MYO1B: variants seen among roughly 807,000 people sequenced by gnomAD.
MYO1B encodes the protein myosin IB.
MYO1B carries 72 observed loss-of-function variants against 159.7 expected under a neutral mutation model. That is an observed-to-expected ratio of 0.45 (90% CI 0.37 to 0.55). The LOEUF (loss-of-function observed/expected upper bound fraction) is 0.55. Among genes scored for constraint, MYO1B ranks in the 20% least tolerant of loss-of-function variants. The pLI, the probability that MYO1B is intolerant of heterozygous loss-of-function variation, is 0.00. For synonymous variants in MYO1B, 468 were observed against 473.8 expected (o/e 0.99, Z 0.16); for missense variants, 1,062 against 1,364.8 (o/e 0.78, Z 3.50).
At chr2:191,264,124 A>T (rs781653005) in intron 1 of MYO1B, among the ~76,000 whole-genome samples, 1 of 152,318 alleles carries the variant, frequency 6.6e-6, no homozygotes, top group Admixed American at 6.5e-5. Flanking sequence ...GTTGATTTTA[A>T]TCAGTGTAGG....
chr2:191,266,732 C>T (rs1449805591), intron 1 of MYO1B, among the ~76,000 whole-genome samples: 2 of 152,168 alleles, frequency 1.3e-5, no homozygotes, highest in Admixed American at 1.3e-4. Flanking sequence ...TAATTATAAA[C>T]AAAGGCACTT....
chr2:191,342,417 C>A (rs1442488221), intron 5 of MYO1B, among the ~76,000 whole-genome samples: 1 of 152,134 alleles, frequency 6.6e-6, no homozygotes, highest in Non-Finnish European at 1.5e-5. Context: ...AAGCATTCAG[C>A]CCATAACATC....
intron 29 of MYO1B, among the ~76,000 whole-genome samples, chr2:191,415,594 G>T (rs1407663243): frequency 1.4e-4 from 20 of 145,648 alleles, no homozygotes; most frequent in Admixed American, 3.3e-4. Context: ...TTTTTTTTTT[G>T]TTTTGTTTTG....
Position 191,383,360 on chromosome 2 carries a change from GT to G in MYO1B, c.1353+22del. ...TAGAAAATGTGAGTACTTAGGTACAGTTTTCTAAAGAATGTTTTAGTCCTAT... is the reference window on the plus strand; with the variant it reads ...TAGAAAATGTGAGTACTTAGGTACAGTTTCTAAAGAATGTTTTAGTCCTAT... On this transcript the variant is annotated intron_variant, in intron 15 of 30. Coordinates refer to ENST00000392318, the MANE Select transcript of MYO1B (RefSeq NM_001130158.3). 6.6e-7 allele frequency: 1 copy of G among 1,513,380 alleles called. No homozygotes were observed. The highest frequency in any genetic ancestry group is 8.9e-7 in the Non-Finnish European group (1 of 1,122,952). 93.7% of individuals were successfully genotyped at this position (1,513,380 alleles called of 1,614,324 possible). A position where few individuals can be genotyped will look rare whatever the true frequency, so the allele number is the denominator to read the frequency against.
At chr2:191,262,260 C>A (rs1188228004) in intron 1 of MYO1B, among the ~76,000 whole-genome samples, 3 of 152,200 alleles carry the variant, frequency 2.0e-5, no homozygotes, top group Non-Finnish European at 4.4e-5. Flanking sequence ...CACAGGAGCT[C>A]AACTTTATTT....
chr2:191,319,446 C>T (rs1405590630), intron 3 of MYO1B, among the ~76,000 whole-genome samples: 1 of 152,112 alleles, frequency 6.6e-6, no homozygotes, highest in Non-Finnish European at 1.5e-5. Context: ...CCTCTGATGT[C>T]CTTTTGAGTC....
chr2:191,338,921 A>G (rs1274867390), intron 4 of MYO1B, among the ~76,000 whole-genome samples: 2 of 152,196 alleles, frequency 1.3e-5, no homozygotes, highest in East Asian at 1.9e-4. Context: ...ACTGTCTAAG[A>G]CAGTTATTTT....
chr2:191,422,572 T>C (rs1338039888), intron 30 of MYO1B, among the ~76,000 whole-genome samples: 1 of 152,202 alleles, frequency 6.6e-6, no homozygotes, highest in Non-Finnish European at 1.5e-5. Context: ...ATAAATATTT[T>C]AATGGGTATT....
chr2:191,324,716 A>G lies in MYO1B; in HGVS notation c.252-5219A>G, dbSNP rs115342293. Reference sequence around the variant, plus strand: ...TAGCAGGGGTAACTGTAATGTGTACATAAATTAAATTACCATGCTTATACT... The same window carrying G: ...TAGCAGGGGTAACTGTAATGTGTACGTAAATTAAATTACCATGCTTATACT... On this transcript the variant is annotated intron_variant, in intron 3 of 30. Transcript: ENST00000392318. Among the ~76,000 whole-genome samples, 1,112 of 152,306 alleles carry G rather than the reference A, an allele frequency of 7.3e-3. 14 individuals carry two copies. The highest frequency in any genetic ancestry group is 0.025 in the African/African-American group (1,053 of 41,568).
At chr2:191,367,357 G>T (rs1213040333) in intron 11 of MYO1B, among the ~76,000 whole-genome samples, 2 of 152,096 alleles carry the variant, frequency 1.3e-5, no homozygotes, top group Non-Finnish European at 2.9e-5. Flanking sequence ...CTAAAGGGTA[G>T]TATTTTCTTT....
At position 191,329,889 on chromosome 2, in the gene MYO1B, A is replaced by G. The variant is rs760767183; in HGVS notation, c.252-46A>G. 7 of 1,538,918 alleles carry G rather than the reference A, an allele frequency of 4.5e-6. No individual in the cohort carries two copies. In the South Asian group the frequency reaches 4.6e-5, roughly 10 times the overall value. The stretch of plus-strand genomic sequence containing the variant: ...TGTAGTTCCATCTGATAAACACATA[A>G]TAATGATCTGAAGTCTAAGGAATTT... On this transcript the variant is annotated intron_variant, in intron 3 of 30. Coordinates refer to ENST00000392318, the MANE Select transcript of MYO1B (RefSeq NM_001130158.3).
chr2:191,350,622 T>G (rs1692850149), intron 7 of MYO1B, among the ~76,000 whole-genome samples: 1 of 152,126 alleles, frequency 6.6e-6, no homozygotes, highest in African/African-American at 2.4e-5. Context: ...TTATAACTTT[T>G]GAAGTAATAT....
At chr2:191,332,554 A>G (rs942735689) in intron 4 of MYO1B, among the ~76,000 whole-genome samples, 15 of 152,172 alleles carry the variant, frequency 9.9e-5, no homozygotes, top group African/African-American at 3.4e-4. Context: ...GCTGGGTGAT[A>G]ATGATACTAG....
At chr2:191,371,232 G>A (rs1017562709) in intron 13 of MYO1B, among the ~76,000 whole-genome samples, 1 of 152,090 alleles carries the variant, frequency 6.6e-6, no homozygotes, top group Non-Finnish European at 1.5e-5. Flanking sequence ...AAGGAACCAG[G>A]CTCTGCCCAG....
At chr2:191,265,422 A>G (rs910702297) in intron 1 of MYO1B, among the ~76,000 whole-genome samples, 3 of 152,200 alleles carry the variant, frequency 2.0e-5, no homozygotes, top group Admixed American at 6.5e-5. Context: ...GAATGAATCT[A>G]CAAGTGGTGT....
chr2:191,320,525 A>G (rs1286321603), intron 3 of MYO1B, among the ~76,000 whole-genome samples: 1 of 152,120 alleles, frequency 6.6e-6, no homozygotes, highest in Non-Finnish European at 1.5e-5. Context: ...GTCTGTGTGT[A>G]TGTATGTGCA....
intron 13 of MYO1B, among the ~76,000 whole-genome samples, chr2:191,371,788 C>T (rs1218216987): frequency 6.6e-6 from 1 of 152,200 alleles, no homozygotes; most frequent in Non-Finnish European, 1.5e-5. Context: ...AAGCTCCTGG[C>T]CAGCATTGGG....
intron 18 of MYO1B, among the ~76,000 whole-genome samples, chr2:191,391,274 C>T (rs60415297): frequency 0.016 from 2,418 of 152,274 alleles, 61 homozygotes; most frequent in African/African-American, 0.054. Context: ...AGGAAATGGG[C>T]GATTTTCATT....
At chr2:191,300,211 A>T (rs1168056106) in intron 3 of MYO1B, among the ~76,000 whole-genome samples, 1 of 152,202 alleles carries the variant, frequency 6.6e-6, no homozygotes, top group African/African-American at 2.4e-5. Context: ...GATGCATTCT[A>T]ACTGTAAATA....
Sources: allele counts gnomAD v4.1 joint callset (sites outside exome capture counted in the v4.1 genomes callset), GRCh38; gene constraint gnomAD v4.1.1; transcripts MANE v1.5; gene names NCBI Gene and HGNC (gene_info 2026-07-23, HGNC 2026-07-21).